SASH1: variants seen among roughly 807,000 people sequenced by gnomAD.
SASH1 encodes SAM and SH3 domain-containing protein 1.
In SASH1, 44 loss-of-function variants were observed where a neutral mutation model predicts 125.2. That is an observed-to-expected ratio of 0.35 (90% CI 0.28 to 0.45). The LOEUF (loss-of-function observed/expected upper bound fraction) is 0.45, where lower values mean the gene tolerates loss of function less well. Ranked by LOEUF, SASH1 falls within the 20% of genes least tolerant of loss-of-function variation. The probability of loss-of-function intolerance (pLI) is 1.00; values close to 1 mark genes in which losing one functional copy is unlikely to be tolerated. For missense variants in SASH1, 1,426 were observed against 1,614.5 expected, an observed-to-expected ratio of 0.88 and a Z score of 2.00; for synonymous variants, 639 against 649.1, an observed-to-expected ratio of 0.98 and a Z score of 0.24.
intron 1 of SASH1, among the ~76,000 whole-genome samples, chr6:148,308,815 G>A (rs1302466157): frequency 6.6e-6 from 1 of 151,020 alleles, no homozygotes; most frequent in Non-Finnish European, 1.5e-5. Flanking sequence ...CAGACGCAGT[G>A]GCTCATGCCT....
At chr6:148,262,676 GA>G in the SASH1 span, among the ~76,000 whole-genome samples, 1 of 152,158 alleles carries the variant, frequency 6.6e-6, no homozygotes, top group Non-Finnish European at 1.5e-5. Flanking sequence ...CTGAGGTCAG[GA>G]GTTTGAGACC....
rs1282696860 is a variant in SASH1, at chr6:148,529,621, A to G, written c.1429-1905A>G. On this transcript the variant is annotated intron_variant, in intron 12 of 19. Transcript: ENST00000367467. The surrounding 1 kb of genome is among the most constrained non-coding windows in gnomAD (Gnocchi z 4.2). Reference sequence around the variant, plus strand: ...GTTTTCTGCTTTATGAATCAGAAGCATAGAATTTTAATGTCATTTTGGCAT... The same window carrying G: ...GTTTTCTGCTTTATGAATCAGAAGCGTAGAATTTTAATGTCATTTTGGCAT... 6.6e-6 allele frequency among the ~76,000 whole-genome samples: 1 copy of G among 152,214 alleles called. No homozygotes were observed. Among genetic ancestry groups the G allele is most frequent in the African/African-American group, 2.4e-5 (1 of 41,450 alleles).
intron 1 of SASH1, among the ~76,000 whole-genome samples, chr6:148,388,155 T>A (rs1479308050): frequency 6.6e-6 from 1 of 152,050 alleles, no homozygotes; most frequent in East Asian, 1.9e-4. Context: ...CCGCAGGTGA[T>A]CCGCCCACCT....
chr6:148,259,855 A>C, the SASH1 span, among the ~76,000 whole-genome samples: 9 of 152,194 alleles, frequency 5.9e-5, no homozygotes, highest in African/African-American at 2.2e-4. Context: ...CACCATTTGG[A>C]AGCACTGTAA....
At chr6:148,359,031 G>A (rs1315850198) in intron 1 of SASH1, among the ~76,000 whole-genome samples, 6 of 151,548 alleles carry the variant, frequency 4.0e-5, no homozygotes, top group South Asian at 2.1e-4. Flanking sequence ...CACTACACCC[G>A]GCCCTAATGC....
chr6:148,222,776 C>T, the SASH1 span, among the ~76,000 whole-genome samples: 11 of 111,544 alleles, frequency 9.9e-5, no homozygotes, highest in East Asian at 3.5e-4. Flanking sequence ...CCTTCCCCTT[C>T]GATCTCTCTC....
intron 1 of SASH1, among the ~76,000 whole-genome samples, chr6:148,297,185 G>C (rs1259111950): frequency 6.6e-6 from 1 of 152,198 alleles, no homozygotes; most frequent in Non-Finnish European, 1.5e-5. Context: ...ACGCTGTCGC[G>C]GGGAGCAGCC....
At chr6:148,460,189 G>A (rs192749849) in intron 4 of SASH1, among the ~76,000 whole-genome samples, 49 of 152,306 alleles carry the variant, frequency 3.2e-4, no homozygotes, top group Admixed American at 2.6e-4. Context: ...AACTAACCCT[G>A]CATGTCTAAA....
chr6:148,533,885 G>A lies in SASH1; in HGVS notation c.1849G>A (p.Glu617Lys), dbSNP rs587781245. The A allele has an allele frequency of 3.3e-5, 53 of 1,613,958 alleles. No individual in the cohort carries two copies. In the Middle Eastern group the frequency reaches 4.9e-4, roughly 15 times the overall value. ...CTACGTGGACGTGCTCAGTGAAGACGAGGAGAAACCCAAACGCCCCACCAG... is the reference window on the plus strand; with the variant it reads ...CTACGTGGACGTGCTCAGTGAAGACAAGGAGAAACCCAAACGCCCCACCAG... ...FIYVDVLSED[E>K]EKPKRPTRRR... is the part of the protein sequence containing the mutation. Residue 617 changes from glutamate to lysine, a missense_variant, in exon 15 of 20, where the codon GAG becomes AAG. Around this residue, in one of 3 missense-constraint regions of SASH1, gnomAD observed 225 missense variants for 344.5 expected, o/e 0.65. Coordinates refer to ENST00000367467, the MANE Select transcript of SASH1 (RefSeq NM_015278.5). This position sits in a 1 kb window ranked among gnomAD's most constrained non-coding sequence, Gnocchi z 6.2.
rs1345563814 is a variant in SASH1, at chr6:148,427,833, C to T, written c.286-12351C>T. On this transcript the variant is annotated intron_variant, in intron 2 of 19. Coordinates refer to ENST00000367467, the MANE Select transcript of SASH1 (RefSeq NM_015278.5). ...ACTTCTTGTCTCCTCTGAATGGGTA[C>T]GGGAGTGTGGACCTCAGGGAGGCCC... Among the ~76,000 whole-genome samples, 3 of 152,284 alleles carry T rather than the reference C, an allele frequency of 2.0e-5. No individual in the cohort carries two copies. The East Asian group carries it at 5.8e-4, about 29-fold the overall frequency.
intron 7 of SASH1, among the ~76,000 whole-genome samples, chr6:148,478,162 C>T (rs1010420572): frequency 1.3e-5 from 2 of 152,136 alleles, no homozygotes; most frequent in Non-Finnish European, 2.9e-5. Flanking sequence ...CCATATGATG[C>T]AGCAATCCCA....
In SASH1 at chr6:148,310,077, T is replaced by C. The variant is rs569215529; in HGVS notation, n.74+37700T>C. Among the ~76,000 whole-genome samples, 50 of 152,250 alleles carry C rather than the reference T, an allele frequency of 3.3e-4. 1 individual carries two copies. In the East Asian group the frequency reaches 8.3e-3, roughly 25 times the overall value. ...TGGCTCAGGCCTGTAATCCCAGCGC[T>C]TTGGGAAGCCGAGGAGGGTGGATCA... On this transcript the variant is annotated intron_variant and non_coding_transcript_variant, in intron 1 of 3. Coordinates refer to the SASH1 transcript ENST00000367469.
At position 148,421,153 on chromosome 6, in the gene SASH1, G is replaced by GGAAGGAAGGAAGGAAGGAAGA. The variant is rs1562396412; in HGVS notation, c.286-19031_286-19030insGAAGGAAGGAAGGAAGGAAGA. Among the ~76,000 whole-genome samples the GGAAGGAAGGAAGGAAGGAAGA allele has an allele frequency of 3.6e-4, 29 of 81,070 alleles. 1 individual carries two copies. The highest frequency in any genetic ancestry group is 1.2e-3 in the South Asian group (3 of 2,546). 53.2% of individuals were successfully genotyped at this position (81,070 alleles called of 152,430 possible). On this transcript the variant is annotated intron_variant, in intron 2 of 19. Coordinates refer to ENST00000367467, the MANE Select transcript of SASH1 (RefSeq NM_015278.5). The stretch of plus-strand genomic sequence containing the variant: ...AGGAAGGAAGGAAGGAAGGAAGAAA[G>GGAAGGAAGGAAGGAAGGAAGA]AAAGAAAGAAAGAAAGAAAGAAAGA...
At chr6:148,393,159 G>C (rs1783801443) in intron 2 of SASH1, among the ~76,000 whole-genome samples, 1 of 147,198 alleles carries the variant, frequency 6.8e-6, no homozygotes. Context: ...TGATTCTCCT[G>C]CCTCAGCCTC....
At chr6:148,333,735 A>T (rs1781063720) in intron 1 of SASH1, among the ~76,000 whole-genome samples, 1 of 151,384 alleles carries the variant, frequency 6.6e-6, no homozygotes, top group East Asian at 2.0e-4. Flanking sequence ...CTAATTTTGT[A>T]TTTTTAGTAG....
At chr6:148,489,760 A>G (rs1779021036) in intron 8 of SASH1, among the ~76,000 whole-genome samples, 1 of 151,418 alleles carries the variant, frequency 6.6e-6, no homozygotes, top group Non-Finnish European at 1.5e-5. Context: ...TTTTTTTCAA[A>G]TTGTTCATTG....
At position 148,511,261 on chromosome 6, in the gene SASH1, A is replaced by G. The variant is rs962611348; in HGVS notation, c.730-3063A>G. On this transcript the variant is annotated intron_variant, in intron 8 of 19. Transcript: ENST00000367467. ...ATCAATATCATGGATGCAGCAATACATTCTTGGGATAGGTTGTTGAACTCA... is the reference window on the plus strand; with the variant it reads ...ATCAATATCATGGATGCAGCAATACGTTCTTGGGATAGGTTGTTGAACTCA... Among the ~76,000 whole-genome samples, 3 of 151,808 alleles carry G rather than the reference A, an allele frequency of 2.0e-5. No individual in the cohort carries two copies. In the East Asian group the frequency reaches 5.8e-4, roughly 29 times the overall value.
intron 8 of SASH1, among the ~76,000 whole-genome samples, chr6:148,498,317 G>A (rs770231138): frequency 1.8e-4 from 27 of 151,880 alleles, no homozygotes; most frequent in Non-Finnish European, 1.0e-4. Context: ...GGGCTGAGGC[G>A]GGAGGATTGC....
At chr6:148,369,751 T>C (rs1265102029) in intron 1 of SASH1, among the ~76,000 whole-genome samples, 40 of 151,844 alleles carry the variant, frequency 2.6e-4, no homozygotes, top group Non-Finnish European at 1.5e-5. Context: ...GTCAGGAGTT[T>C]GAGACCAGCC....
Sources: allele counts gnomAD v4.1 joint callset (sites outside exome capture counted in the v4.1 genomes callset), GRCh38; gene constraint gnomAD v4.1.1; regional missense constraint gnomAD v4.1.1; non-coding constraint Gnocchi (gnomAD v3.1); transcripts MANE v1.5; gene names NCBI Gene and HGNC (gene_info 2026-07-23, HGNC 2026-07-21).